The following RPL13 variants were observed in gnomAD, a reference collection of about 807,000 sequenced individuals.
The protein encoded by RPL13 is large ribosomal subunit protein eL13.
In RPL13, 1 loss-of-function variant was observed where a neutral mutation model predicts 21.4. The ratio of observed to expected loss-of-function variants is 0.05; its 90% confidence interval spans 0.02 to 0.22. The LOEUF (loss-of-function observed/expected upper bound fraction) is 0.22. RPL13 is among the 10% of genes least tolerant of loss of function. The pLI is 1.00. For missense variants in RPL13, 289 were observed against 303.0 expected, an observed-to-expected ratio of 0.95 and a Z score of 0.34; for synonymous variants, 143 against 120.5, an observed-to-expected ratio of 1.19 and a Z score of -1.23.
chr16:89,560,889 G>A (rs930828715), intron 1 of RPL13, 51 bp from the exon 2 acceptor site: 30 of 1,392,654 alleles, frequency 2.2e-5, no homozygotes, highest in Non-Finnish European at 2.8e-5. Context: ...GGCCCGGGGG[G>A]GTGCGCGCGC....
In RPL13 at chr16:89,563,591, C is replaced by G. The variant is rs1451379575; in HGVS notation, c.*549C>G. 2 of 151,608 alleles carry G rather than the reference C, an allele frequency of 1.3e-5. No homozygotes were observed. Among genetic ancestry groups the G allele is most frequent in the Non-Finnish European group, 2.9e-5 (2 of 67,934 alleles). 9.4% of individuals were successfully genotyped at this position (151,608 alleles called of 1,614,324 possible). A position where few individuals can be genotyped will look rare whatever the true frequency, so the allele number is the denominator to read the frequency against. ...ACTGTCTCAAAAAAAAAAAAAGAGA[C>G]AGGGTCTTCGGCACCCAGGCTGGAG... On this transcript the variant is annotated 3_prime_UTR_variant, in exon 6 of 6. Transcript: ENST00000311528.
At chr16:89,562,810 A>G (rs258327) in intron 5 of RPL13, 74 bp from the exon 6 acceptor site, 1,434,746 of 1,435,818 alleles carry the variant, frequency 1, 716,846 homozygotes, top group South Asian at 1. Flanking sequence ...GAGGTCCTCC[A>G]GGTTCTCCTG....
chr16:89,562,665 G>A (rs2058754180), intron 5 of RPL13: 1 of 574,932 alleles, frequency 1.7e-6, no homozygotes, highest in Non-Finnish European at 2.9e-6. Context: ...TGAATTGCTG[G>A]GTTTACAGGC....
intron 4 of RPL13, 133 bp downstream of exon 4, chr16:89,561,884 A>T (rs1038925075): frequency 1.0e-6 from 1 of 993,946 alleles, no homozygotes; most frequent in Admixed American, 2.6e-5. Context: ...GCTAAGCGGG[A>T]CTGCTAAGGT....
chr16:89,561,599 G>A lies in RPL13; in HGVS notation c.268G>A (p.Val90Met). ...GCAGGTGGCCGGCATTCACAAGAAG[G>A]TGGCCCGGACCATCGGCATTTCTGT... ...ELRVAGIHKK[V>M]ARTIGISVDP... Residue 90 changes from valine (V) to methionine (M), a missense_variant, in exon 4 of 6, where the codon GTG (valine) becomes ATG (methionine). Transcript: ENST00000311528. The A allele has an allele frequency of 6.2e-7, 1 of 1,613,626 alleles. No homozygotes were observed. Among genetic ancestry groups the A allele is most frequent in the Non-Finnish European group, 8.5e-7 (1 of 1,180,032 alleles).
Position 89,561,062 on chromosome 16 carries a change from A to C in RPL13, c.103A>C (p.Arg35=), listed in dbSNP as rs780661827. Residue 35 remains arginine (R), a splice_region_variant and synonymous_variant, in exon 2 of 6, where the codon AGA becomes CGA. Coordinates refer to ENST00000311528, the MANE Select transcript of RPL13 (RefSeq NM_000977.4). ...CAACCAGCCGGCCCGTAAGATCCGCAGGTGAGCCCTGCGCTCGGGGCTGCC... is the reference window on the plus strand; with the variant it reads ...CAACCAGCCGGCCCGTAAGATCCGCCGGTGAGCCCTGCGCTCGGGGCTGCC... ...WFNQPARKIR[R]RKARQAKARR... 6 of 1,604,796 alleles carry C rather than the reference A, an allele frequency of 3.7e-6. No homozygotes were observed. In the East Asian group the frequency reaches 1.4e-4, roughly 36 times the overall value.
chr16:89,562,589 TTGTTTGTTTTG>T (rs1270644617), intron 5 of RPL13, 198 bp downstream of exon 5: 1 of 595,694 alleles, frequency 1.7e-6, no homozygotes, highest in Non-Finnish European at 2.9e-6. Context: ...GGAAGTATTT[TTGTTTGTTTTG>T]TGTTTTTTTG....
intron 4 of RPL13, 42 bp downstream of exon 4, chr16:89,561,793 G>C: frequency 6.3e-7 from 1 of 1,596,902 alleles, no homozygotes; most frequent in Non-Finnish European, 8.6e-7. Context: ...CGCGGGGACA[G>C]TGAGGCTTGG....
At chr16:89,564,761 C>T (rs1194536047), downstream of RPL13, 1 of 152,472 alleles carries the variant, frequency 6.6e-6, no homozygotes, top group Non-Finnish European at 1.5e-5. Flanking sequence ...TGGCTGAAGA[C>T]TGGCCGTGGG....
rs2058751725 is a variant in RPL13 at position 89,562,380 on chromosome 16, C to A, written c.466C>A (p.Pro156Thr). 6.2e-7 allele frequency: 1 copy of A among 1,612,082 alleles called. No individual in the cohort carries two copies. Among genetic ancestry groups the A allele is most frequent in the South Asian group, 1.1e-5 (1 of 90,732 alleles). The change falls in exon 5 of 6, where the codon CCC becomes ACC. Residue 156 changes from proline to threonine, a missense_variant. Physicochemically the swap from Pro to Thr is conservative, Grantham distance 38 (BLOSUM62 -1). Coordinates refer to ENST00000311528, the MANE Select transcript of RPL13 (RefSeq NM_000977.4). ...LATQLTGPVM[P>T]VRNVYKKEKA... is the part of the protein sequence containing the mutation. ...CACCCAGCTGACCGGACCGGTCATG[C>A]CCGTCCGGAACGTAAGTGAACACTT... is the stretch of plus-strand genomic sequence containing the variant.
chr16:89,566,077 C>T (rs955062517), downstream of RPL13: 3 of 152,212 alleles, frequency 2.0e-5, no homozygotes, highest in African/African-American at 4.8e-5. Flanking sequence ...CTGTGGTGCC[C>T]GTGGCCTTTT....
At position 89,563,935 on chromosome 16, in the gene RPL13, C is replaced by T. The variant is rs979304771; in HGVS notation, c.*893C>T. On this transcript the variant is annotated 3_prime_UTR_variant, in exon 6 of 6. Coordinates refer to ENST00000311528, the MANE Select transcript of RPL13 (RefSeq NM_000977.4). ...CCTGTTAAACAAAAACATTCTAAAG[C>T]CATTGTTCTTGCTTCATGGACAAGA... The T allele has an allele frequency of 6.6e-6, 1 of 152,202 alleles. No homozygotes were observed. Among genetic ancestry groups the T allele is most frequent in the Non-Finnish European group, 1.5e-5 (1 of 68,044 alleles). The allele number at this position is 152,202 out of a possible 1,614,324, so 9.4% of individuals were successfully genotyped here.
chr16:89,561,680 C>T lies in RPL13; in HGVS notation c.349C>T (p.Leu117=), dbSNP rs750052874. The part of the protein sequence containing the change: ...TESLQANVQR[L]KEYRSKLILF... ...GTCCCTGCAGGCCAACGTGCAGCGG[C>T]TGAAGGAGTACCGCTCCAAACTCAT... is the stretch of plus-strand genomic sequence containing the variant. Residue 117 remains leucine, a synonymous_variant, in exon 4 of 6, where the codon CTG becomes TTG. Coordinates refer to ENST00000311528, the MANE Select transcript of RPL13 (RefSeq NM_000977.4). 3.3e-5 allele frequency: 53 copies of T among 1,613,800 alleles called. No homozygotes were observed. The highest frequency in any genetic ancestry group is 3.8e-5 in the Non-Finnish European group (45 of 1,180,046).
chr16:89,565,953 GCC>G (rs1409915117), downstream of RPL13: 3 of 152,328 alleles, frequency 2.0e-5, no homozygotes, highest in Non-Finnish European at 2.9e-5. Flanking sequence ...GTGGTCTGCT[GCC>G]CGGTGGAGGA....
chr16:89,561,090 T>C, intron 2 of RPL13, 27 bp downstream of exon 2: 1 of 1,581,758 alleles, frequency 6.3e-7, no homozygotes, highest in Non-Finnish European at 8.6e-7. Flanking sequence ...GGGCTGCCCC[T>C]GGGGCTCGTG....
In RPL13 at chr16:89,562,960, C is replaced by T. The variant is rs779507663; in HGVS notation, c.554C>T (p.Ala185Val). Residue 185 changes from alanine (A) to valine (V), a missense_variant, in exon 6 of 6, where the codon GCC becomes GTC. By Grantham distance (64) the Ala-to-Val change is moderately conservative. Transcript: ENST00000311528. ...AAAGCCTTCGCTAGTCTCCGTATGG[C>T]CCGTGCCAACGCCCGGCTCTTCGGC... ...NFKAFASLRM[A>V]RANARLFGIR... The T allele has an allele frequency of 4.4e-6, 7 of 1,598,124 alleles. No homozygotes were observed. The Admixed American group carries it at 1.2e-4, about 28-fold the overall frequency.
At chr16:89,561,441 A>G (rs762752798) in intron 3 of RPL13, 73 bp downstream of exon 3, 20 of 1,612,514 alleles carry the variant, frequency 1.2e-5, no homozygotes, top group Non-Finnish European at 1.6e-5. Context: ...GCGTGATGAC[A>G]TTCTCCGGAA....
Position 89,563,130 on chromosome 16 carries a change from GCTTCA to G in RPL13, c.*91_*95del. On this transcript the variant is annotated 3_prime_UTR_variant, in exon 6 of 6. Coordinates refer to ENST00000311528, the MANE Select transcript of RPL13 (RefSeq NM_000977.4). The stretch of plus-strand genomic sequence containing the variant: ...TGGGAACAACTGGGCCTGGGATGGG[GCTTCA>G]CTGCTGTGACTTCCTCCTGCCAGGG... The G allele has an allele frequency of 7.9e-7, 1 of 1,268,430 alleles. No homozygotes were observed. The highest frequency in any genetic ancestry group is 1.0e-6 in the Non-Finnish European group (1 of 967,874). 78.6% of individuals were successfully genotyped at this position (1,268,430 alleles called of 1,614,324 possible). A position where few individuals can be genotyped will look rare whatever the true frequency, so the allele number is the denominator to read the frequency against.
In RPL13 at chr16:89,562,767, C is replaced by T. The variant is rs186280711; in HGVS notation, c.478-117C>T. ...GACTCAGGGTTGCTTTTCAGCAGTACTTATGGCAGCGAACCTGACCCCCAA... is the reference window on the plus strand; with the variant it reads ...GACTCAGGGTTGCTTTTCAGCAGTATTTATGGCAGCGAACCTGACCCCCAA... On this transcript the variant is annotated intron_variant, in intron 5 of 5. Coordinates refer to ENST00000311528, the MANE Select transcript of RPL13 (RefSeq NM_000977.4). 3,696 of 1,087,464 alleles carry T rather than the reference C, an allele frequency of 3.4e-3. 72 individuals are homozygous for T. Among genetic ancestry groups the T allele is most frequent in the Non-Finnish European group, 1.1e-3 (868 of 778,074 alleles). 67.4% of individuals were successfully genotyped at this position (1,087,464 alleles called of 1,614,324 possible). A position where few individuals can be genotyped will look rare whatever the true frequency, so the allele number is the denominator to read the frequency against.
Sources: gnomAD v4.1 joint callset for allele counts on GRCh38, gnomAD v4.1.1 for gene constraint, MANE v1.5 for transcripts, NCBI Gene and HGNC (gene_info 2026-07-23, HGNC 2026-07-21) for gene names.